Variants in AUTS2 observed in about 807,000 individuals in gnomAD.
AUTS2 encodes the protein activator of transcription and developmental regulator AUTS2.
Under a neutral mutation model 112.4 loss-of-function variants are expected in AUTS2, and 17 were observed. The observed-to-expected ratio is 0.15, with a 90% CI of 0.10 to 0.23. AUTS2 has a LOEUF of 0.23. Among genes scored for constraint, AUTS2 ranks in the 10% least tolerant of loss-of-function variants. The pLI is 1.00. For missense variants in AUTS2, 1,510 were observed against 1,701.6 expected (o/e 0.89, Z 1.98); for synonymous variants, 751 against 702.7 (o/e 1.07, Z -1.09).
intron 1 of AUTS2, among the ~76,000 whole-genome samples, chr7:69,618,867 T>C (rs1378950706): frequency 2.6e-5 from 4 of 152,120 alleles, no homozygotes; most frequent in African/African-American, 4.8e-5. Context: ...TCCAGGAGGC[T>C]CAAACCTGGC....
chr7:70,564,441 T>G (rs924527210), intron 5 of AUTS2, among the ~76,000 whole-genome samples: 1 of 152,240 alleles, frequency 6.6e-6, no homozygotes, highest in Non-Finnish European at 1.5e-5. Flanking sequence ...GCCTATGGGC[T>G]GGGCAATTAG....
chr7:69,671,482 T>TGG (rs1329999667), intron 1 of AUTS2, among the ~76,000 whole-genome samples: 14 of 133,202 alleles, frequency 1.1e-4, no homozygotes, highest in Non-Finnish European at 1.9e-4. Flanking sequence ...CTGCTGCTGC[T>TGG]GCTGGTGTGT....
chr7:70,360,132 A>G (rs894941793), intron 4 of AUTS2, among the ~76,000 whole-genome samples: 2 of 152,184 alleles, frequency 1.3e-5, no homozygotes, highest in African/African-American at 4.8e-5. Context: ...ATAAGCAAGT[A>G]TCTTTTTTTT....
intron 4 of AUTS2, among the ~76,000 whole-genome samples, chr7:70,295,032 G>A (rs1788868717): frequency 6.6e-6 from 1 of 152,180 alleles, no homozygotes; most frequent in Non-Finnish European, 1.5e-5. Context: ...TCCTAGCTGT[G>A]GCTTAGCCTA....
chr7:69,787,600 A>G (rs2129321477), intron 1 of AUTS2, among the ~76,000 whole-genome samples: 1 of 152,260 alleles, frequency 6.6e-6, no homozygotes, highest in East Asian at 1.9e-4. Context: ...CCTAGGCTGG[A>G]GTGCAGTGGC....
chr7:69,965,870 G>T (rs1198816200), intron 2 of AUTS2, among the ~76,000 whole-genome samples: 1 of 152,134 alleles, frequency 6.6e-6, no homozygotes, highest in East Asian at 1.9e-4. Context: ...CAATCTCAGT[G>T]TGAAGTTTTA....
chr7:69,695,145 A>G (rs1212951312), intron 1 of AUTS2, among the ~76,000 whole-genome samples: 1 of 151,998 alleles, frequency 6.6e-6, no homozygotes, highest in Non-Finnish European at 1.5e-5. Flanking sequence ...AAACACAGTG[A>G]GACTCCATTT....
chr7:70,243,023 T>G (rs1308782632), intron 4 of AUTS2, among the ~76,000 whole-genome samples: 1 of 152,182 alleles, frequency 6.6e-6, no homozygotes, highest in Admixed American at 6.6e-5. Context: ...CCCTTAGGCA[T>G]CCTTTATTTC....
chr7:69,942,322 A>G (rs1796657505), intron 2 of AUTS2, among the ~76,000 whole-genome samples: 1 of 152,214 alleles, frequency 6.6e-6, no homozygotes, highest in Admixed American at 6.5e-5. Context: ...TCTTCTGAAT[A>G]TCAGTGATAA....
chr7:70,587,866 A>G (rs977600100), intron 5 of AUTS2, among the ~76,000 whole-genome samples: 1 of 152,222 alleles, frequency 6.6e-6, no homozygotes, highest in Non-Finnish European at 1.5e-5. Context: ...CAAATAGAGA[A>G]ATTCAGACAT....
chr7:70,297,822 G>A (rs1789015728), intron 4 of AUTS2, among the ~76,000 whole-genome samples: 1 of 152,002 alleles, frequency 6.6e-6, no homozygotes, highest in Admixed American at 6.6e-5. Context: ...CTATCCCAGT[G>A]GTTTATCAAA....
At chr7:70,673,675 C>G (rs562108587) in intron 5 of AUTS2, among the ~76,000 whole-genome samples, 1 of 152,112 alleles carries the variant, frequency 6.6e-6, no homozygotes, top group Non-Finnish European at 1.5e-5. Flanking sequence ...CATGCCTGGC[C>G]GGATTGTACT....
rs574036189 is a variant in AUTS2 at position 70,349,019 on chromosome 7, A to G, written c.661-86733A>G. On this transcript the variant is annotated intron_variant, in intron 4 of 18. Coordinates refer to ENST00000342771, the MANE Select transcript of AUTS2 (RefSeq NM_015570.4). The stretch of plus-strand genomic sequence containing the variant: ...AATGACTGAGTTACTAAGGTCAGGA[A>G]CTATTCTAATGCTTTTATACTCATC... 2.6e-5 allele frequency among the ~76,000 whole-genome samples: 4 copies of G among 152,328 alleles called. No individual in the cohort carries two copies. In the East Asian group the frequency reaches 7.7e-4, roughly 29 times the overall value.
intron 1 of AUTS2, among the ~76,000 whole-genome samples, chr7:69,700,289 A>G (rs1356469096): frequency 6.6e-6 from 1 of 151,500 alleles, no homozygotes. Context: ...GTCTGGTTAT[A>G]TTTCTTTCCT....
chr7:70,491,626 T>TG (rs1491120610), intron 5 of AUTS2, among the ~76,000 whole-genome samples: 30 of 149,048 alleles, frequency 2.0e-4, no homozygotes, highest in African/African-American at 6.7e-4. Flanking sequence ...TGTGTGTGTA[T>TG]TTTTTTGAGA....
intron 1 of AUTS2, among the ~76,000 whole-genome samples, chr7:69,698,599 G>A (rs767686150): frequency 1.3e-5 from 2 of 152,088 alleles, no homozygotes; most frequent in Non-Finnish European, 2.9e-5. Flanking sequence ...ACACATGCCC[G>A]TGGTCTGCTT....
At chr7:69,826,269 C>T (rs963717786) in intron 1 of AUTS2, among the ~76,000 whole-genome samples, 2 of 152,156 alleles carry the variant, frequency 1.3e-5, no homozygotes, top group Admixed American at 6.5e-5. Context: ...ATCTCTCACA[C>T]GGCTGTGGAC....
intron 1 of AUTS2, among the ~76,000 whole-genome samples, chr7:69,632,687 G>A (rs967912616): frequency 6.7e-6 from 1 of 149,998 alleles, no homozygotes; most frequent in Non-Finnish European, 1.5e-5. Context: ...TTCATATATA[G>A]GTAGTAGAGC....
At chr7:69,606,054 G>A (rs1393982347) in intron 1 of AUTS2, among the ~76,000 whole-genome samples, 1 of 151,736 alleles carries the variant, frequency 6.6e-6, no homozygotes, top group Non-Finnish European at 1.5e-5. Context: ...CCTTTTTTTT[G>A]GAATTAGAAT....
Sources: gnomAD v4.1 joint callset for allele counts (sites outside exome capture counted in the v4.1 genomes callset) on GRCh38, gnomAD v4.1.1 for gene constraint, MANE v1.5 for transcripts, NCBI Gene and HGNC (gene_info 2026-07-23, HGNC 2026-07-21) for gene names.